The following RBFOX3 variants were observed in gnomAD, a reference collection of about 807,000 sequenced individuals.
RBFOX3 encodes the protein RNA binding fox-1 homolog 3, also known as RNA binding protein fox-1 homolog 3.
In RBFOX3, 17 loss-of-function variants were observed where a neutral mutation model predicts 48.7. The ratio of observed to expected loss-of-function variants is 0.35; its 90% confidence interval spans 0.24 to 0.52. The LOEUF is 0.52. Among genes scored for constraint, RBFOX3 ranks in the 20% least tolerant of loss-of-function variants. The pLI is 0.94. For missense variants in RBFOX3, 382 were observed against 497.5 expected, an observed-to-expected ratio of 0.77 and a Z score of 2.21; for synonymous variants, 212 against 209.5, an observed-to-expected ratio of 1.01 and a Z score of -0.10.
intron 2 of RBFOX3, among the ~76,000 whole-genome samples, chr17:79,343,972 A>C (rs1490173304): frequency 6.6e-6 from 1 of 152,180 alleles, no homozygotes; most frequent in African/African-American, 2.4e-5. Context: ...CTCCAGAGAG[A>C]TCCCACTCAA....
chr17:79,167,469 C>T (rs368095569), intron 4 of RBFOX3, among the ~76,000 whole-genome samples: 17 of 151,900 alleles, frequency 1.1e-4, no homozygotes, highest in East Asian at 5.8e-4. Flanking sequence ...GGGACCTTGG[C>T]TCTAGTGGGG....
intron 1 of RBFOX3, among the ~76,000 whole-genome samples, chr17:79,517,609 G>A (rs1040679307): frequency 6.6e-6 from 1 of 152,036 alleles, no homozygotes; most frequent in African/African-American, 2.4e-5. Flanking sequence ...TCAGCAGGGA[G>A]AGAGATTGTC....
chr17:79,289,175 C>A (rs1241565181), intron 3 of RBFOX3, among the ~76,000 whole-genome samples: 1 of 152,218 alleles, frequency 6.6e-6, no homozygotes, highest in Admixed American at 6.5e-5. Flanking sequence ...CTCTCCAATA[C>A]GTTCCGCACA....
At chr17:79,139,993 C>T (rs2041590697) in intron 4 of RBFOX3, among the ~76,000 whole-genome samples, 1 of 152,202 alleles carries the variant, frequency 6.6e-6, no homozygotes, top group Non-Finnish European at 1.5e-5. Context: ...GGCCTGGTGT[C>T]CAGCTCTGTC....
chr17:79,514,102 A>G (rs1053640136), intron 1 of RBFOX3, among the ~76,000 whole-genome samples: 2 of 152,116 alleles, frequency 1.3e-5, no homozygotes, highest in Admixed American at 6.5e-5. Context: ...GGTGGGGACC[A>G]TGTGTATCAG....
the RBFOX3 span, among the ~76,000 whole-genome samples, chr17:79,640,875 ACTT>A: frequency 6.6e-6 from 1 of 152,134 alleles, no homozygotes; most frequent in African/African-American, 2.4e-5. Context: ...AGGGAAAAAA[ACTT>A]CTTAACATTG....
chr17:79,343,533 A>G (rs2082414986), intron 2 of RBFOX3, among the ~76,000 whole-genome samples: 1 of 152,182 alleles, frequency 6.6e-6, no homozygotes, highest in Admixed American at 6.5e-5. Context: ...AAAAACAAAC[A>G]AACAAACAAA....
At chr17:79,620,603 G>C in the RBFOX3 span, among the ~76,000 whole-genome samples, 1 of 116,326 alleles carries the variant, frequency 8.6e-6, no homozygotes, top group Non-Finnish European at 1.8e-5. Context: ...ACGCACGCAC[G>C]CACACATGCA....
intron 4 of RBFOX3, among the ~76,000 whole-genome samples, chr17:79,117,610 C>T (rs1369285891): frequency 6.6e-6 from 1 of 152,222 alleles, no homozygotes; most frequent in Non-Finnish European, 1.5e-5. Context: ...TAAGGAGGAG[C>T]CCCTCATGTG....
intron 2 of RBFOX3, among the ~76,000 whole-genome samples, chr17:79,422,752 A>T (rs1051590648): frequency 6.6e-6 from 1 of 151,918 alleles, no homozygotes; most frequent in Non-Finnish European, 1.5e-5. Context: ...CCCCAACTTC[A>T]TATGTTGCAG....
intron 3 of RBFOX3, among the ~76,000 whole-genome samples, chr17:79,293,410 C>CCCGT (rs1489685576): frequency 5.0e-5 from 4 of 80,326 alleles, no homozygotes; most frequent in African/African-American, 1.4e-4. Flanking sequence ...TCCCCTCCAC[C>CCCGT]CCTTCCTTCC....
chr17:79,518,406 G>GAAGC (rs34224916), intron 1 of RBFOX3, among the ~76,000 whole-genome samples: 1,676 of 152,372 alleles, frequency 0.011, 29 homozygotes, highest in African/African-American at 0.038. Flanking sequence ...GCGCCTCACG[G>GAAGC]AAGCCCCTGT....
At chr17:79,317,486 T>C (rs189287678) in intron 2 of RBFOX3, among the ~76,000 whole-genome samples, 2 of 152,344 alleles carry the variant, frequency 1.3e-5, no homozygotes, top group Admixed American at 1.3e-4. Context: ...ACACAGAGGC[T>C]GGTGGTTTGG....
intron 2 of RBFOX3, among the ~76,000 whole-genome samples, chr17:79,329,971 C>T (rs992195255): frequency 2.0e-5 from 3 of 152,170 alleles, no homozygotes; most frequent in Non-Finnish European, 4.4e-5. Flanking sequence ...TCTGTTCACA[C>T]CCCTAAGTCA....
At chr17:79,124,606 G>C (rs1396403469) in intron 4 of RBFOX3, among the ~76,000 whole-genome samples, 1 of 152,234 alleles carries the variant, frequency 6.6e-6, no homozygotes, top group East Asian at 1.9e-4. Context: ...CAGGGGCCAT[G>C]ACAGAGAGGG....
Position 79,254,113 on chromosome 17 carries a change from G to A in RBFOX3, c.-73-18308C>T, listed in dbSNP as rs2064402250. Among the ~76,000 whole-genome samples, 1 of 152,216 alleles carries A rather than the reference G, an allele frequency of 6.6e-6. No homozygotes were observed. The highest frequency in any genetic ancestry group is 2.4e-5 in the African/African-American group (1 of 41,462). On this transcript the variant is annotated intron_variant, in intron 3 of 14. Coordinates refer to ENST00000693108, the MANE Select transcript of RBFOX3 (RefSeq NM_001350451.2). This position sits in a 1 kb window ranked among gnomAD's most constrained non-coding sequence, Gnocchi z 4.8. ...CACTGCAATGCCCAGGTCCTGGGCAGGGAGGCAAGTTCACCACTGCATCGC... is the reference window on the plus strand; with the variant it reads ...CACTGCAATGCCCAGGTCCTGGGCAAGGAGGCAAGTTCACCACTGCATCGC...
the RBFOX3 span, among the ~76,000 whole-genome samples, chr17:79,648,769 C>T: frequency 6.6e-6 from 1 of 152,170 alleles, no homozygotes; most frequent in Admixed American, 6.5e-5. Flanking sequence ...TTCCCAGCCT[C>T]CCTTGCAGGA....
At chr17:79,194,675 G>T (rs72846029) in intron 4 of RBFOX3, among the ~76,000 whole-genome samples, 91 of 151,914 alleles carry the variant, frequency 6.0e-4, no homozygotes, top group Non-Finnish European at 1.1e-3. Flanking sequence ...GCTGTTGAGT[G>T]CAGGGGCCAC....
the RBFOX3 span, among the ~76,000 whole-genome samples, chr17:79,617,524 G>T: frequency 6.6e-6 from 1 of 152,104 alleles, no homozygotes; most frequent in South Asian, 2.1e-4. Context: ...TTTACTGCAG[G>T]TGGCCCCGTG....
Sources: allele counts gnomAD v4.1 joint callset (sites outside exome capture counted in the v4.1 genomes callset), GRCh38; gene constraint gnomAD v4.1.1; non-coding constraint Gnocchi (gnomAD v3.1); transcripts MANE v1.5; gene names NCBI Gene and HGNC (gene_info 2026-07-23, HGNC 2026-07-21).